ADGRG4: variants seen among roughly 807,000 people sequenced by gnomAD.
ADGRG4 encodes adhesion G protein-coupled receptor G4.
ADGRG4 carries 122 observed loss-of-function variants against 126.2 expected under a neutral mutation model. The ratio of observed to expected loss-of-function variants is 0.97; its 90% confidence interval spans 0.83 to 1.12. ADGRG4 has a LOEUF of 1.12. ADGRG4 is among the 50% of genes most tolerant of loss of function. The probability of loss-of-function intolerance (pLI) is 0.00; values close to 1 mark genes in which losing one functional copy is unlikely to be tolerated. For synonymous variants in ADGRG4, 943 were observed against 838.7 expected, an observed-to-expected ratio of 1.12 and a Z score of -2.15; for missense variants, 2,481 against 2,251.8, an observed-to-expected ratio of 1.10 and a Z score of -2.06.
chrX:136,344,683 T>G lies in ADGRG4; in HGVS notation c.977T>G (p.Leu326Arg). ...DVLSTSSAIS[L>R]PTQSISIDNT... The stretch of plus-strand genomic sequence containing the variant: ...TTATCAACTTCATCAGCCATCTCTC[T>G]GCCTACCCAGAGTATATCCATAGAC... Residue 326 changes from leucine to arginine, a missense_variant, in exon 6 of 26, where the codon CTG (leucine) becomes CGG (arginine). Physicochemically the swap from Leu to Arg is moderately radical, Grantham distance 102 (BLOSUM62 -2). Coordinates refer to ENST00000394143, the MANE Select transcript of ADGRG4 (RefSeq NM_153834.4). 2 of 1,207,931 alleles carry G rather than the reference T, an allele frequency of 1.7e-6. No individual in the cohort carries two copies.
chrX:136,363,448 A>G, intron 12 of ADGRG4, 29 bp from the exon 13 acceptor site: 2 of 973,589 alleles, frequency 2.1e-6, no homozygotes, highest in Non-Finnish European at 2.9e-6. Context: ...TCATCCTCTG[A>G]TGAGAAAGCT....
Position 136,345,840 on chromosome X carries a change from A to G in ADGRG4, c.2134A>G (p.Lys712Glu), listed in dbSNP as rs776350651. 3.1e-5 allele frequency: 37 copies of G among 1,211,179 alleles called. No homozygotes were observed. The highest frequency in any genetic ancestry group is 4.0e-5 in the Non-Finnish European group (36 of 894,924). The change falls in exon 6 of 26, where the codon AAA (lysine) becomes GAA (glutamate). Residue 712 changes from lysine (K) to glutamate (E), a missense_variant. By Grantham distance (56) the Lys-to-Glu change is moderately conservative. Transcript: ENST00000394143. ...ITPLKASPEG[K>E]GTTANDATTA... ...CCCACTGAAAGCATCTCCAGAGGGCAAAGGTACCACTGCCAATGATGCTAC... is the reference window on the plus strand; with the variant it reads ...CCCACTGAAAGCATCTCCAGAGGGCGAAGGTACCACTGCCAATGATGCTAC...
chrX:136,379,998 C>A (rs995082713), intron 15 of ADGRG4, among the ~76,000 whole-genome samples: 2 of 111,568 alleles, frequency 1.8e-5, no homozygotes, highest in East Asian at 5.6e-4. Context: ...ATTTACCACA[C>A]TTTGTTCATC....
At chrX:136,356,912 G>T (rs1202968943) in intron 9 of ADGRG4, among the ~76,000 whole-genome samples, 2 of 111,367 alleles carry the variant, frequency 1.8e-5, no homozygotes, top group African/African-American at 6.5e-5. Flanking sequence ...CTGAGGCGGG[G>T]GGATCACATG....
chrX:136,357,092 A>G (rs745774289), intron 9 of ADGRG4, among the ~76,000 whole-genome samples: 3 of 112,585 alleles, frequency 2.7e-5, no homozygotes, highest in African/African-American at 9.7e-5. Context: ...GCTGAGTCAG[A>G]AATTTTGATA....
At chrX:136,342,023 T>C (rs1474679228) in intron 5 of ADGRG4, among the ~76,000 whole-genome samples, 2 of 112,047 alleles carry the variant, frequency 1.8e-5, no homozygotes, top group East Asian at 5.6e-4. Context: ...GTCTTGAATT[T>C]TACTATGTAC....
At position 136,387,757 on chromosome X, in the gene ADGRG4, C is replaced by T; in HGVS notation, c.7794C>T (p.Val2598=). 1 of 1,207,086 alleles carries T rather than the reference C, an allele frequency of 8.3e-7. No individual in the cohort carries two copies. The highest frequency in any genetic ancestry group is 1.1e-6 in the Non-Finnish European group (1 of 893,382). ...GTDPEIFLGN[V]PVGGILASIY... is the part of the protein sequence containing the mutation. ...CTTGGCAGATTTTCCTAGGCAATGT[C>T]CCTGTGGGAGGGATTTTGGCTTCCA... is the stretch of plus-strand genomic sequence containing the variant. Residue 2598 remains valine, a synonymous_variant, in exon 16 of 26, where the codon GTC becomes GTT. Coordinates refer to ENST00000394143, the MANE Select transcript of ADGRG4 (RefSeq NM_153834.4).
chrX:136,336,991 G>C (rs2074951640), intron 5 of ADGRG4, among the ~76,000 whole-genome samples: 1 of 110,535 alleles, frequency 9.0e-6, no homozygotes, highest in African/African-American at 3.3e-5. Context: ...ATCTTGTTCT[G>C]TCATCCAGAC....
chrX:136,381,478 C>A (rs1360830663), intron 15 of ADGRG4, among the ~76,000 whole-genome samples: 1 of 111,418 alleles, frequency 9.0e-6, no homozygotes, highest in Non-Finnish European at 1.9e-5. Flanking sequence ...TGGTCTCAAA[C>A]TCAGCCTCTC....
chrX:136,305,744 G>T (rs192110939), intron 3 of ADGRG4, among the ~76,000 whole-genome samples: 2 of 112,147 alleles, frequency 1.8e-5, no homozygotes, highest in African/African-American at 6.5e-5. Flanking sequence ...TCTTAGTAAA[G>T]TGAAATGAGC....
chrX:136,341,603 C>T (rs1209423036), intron 5 of ADGRG4, among the ~76,000 whole-genome samples: 1 of 112,170 alleles, frequency 8.9e-6, no homozygotes, highest in Non-Finnish European at 1.9e-5. Flanking sequence ...CTGAAATATA[C>T]CAGTTTCTTG....
intron 5 of ADGRG4, among the ~76,000 whole-genome samples, chrX:136,331,370 G>A (rs944216941): frequency 3.6e-5 from 4 of 112,517 alleles, no homozygotes; most frequent in Admixed American, 9.4e-5. Context: ...CCAGCAATGG[G>A]ATTGCTGGAT....
intron 21 of ADGRG4, among the ~76,000 whole-genome samples, chrX:136,402,830 G>T (rs1330821537): frequency 2.7e-5 from 3 of 111,606 alleles, no homozygotes; most frequent in African/African-American, 9.8e-5. Flanking sequence ...GATTGCCTGT[G>T]CCCTTCTCCT....
In ADGRG4 at chrX:136,345,743, T is replaced by C. The variant is rs1284257918; in HGVS notation, c.2037T>C (p.Asn679=). ...NTTTILTFVP[N]ENFTSAFHEN... ...CCACCATACTCACATTTGTGCCTAATGAAAATTTTACATCAGCATTTCATG... is the reference window on the plus strand; with the variant it reads ...CCACCATACTCACATTTGTGCCTAACGAAAATTTTACATCAGCATTTCATG... The change falls in exon 6 of 26, where the codon AAT becomes AAC. Residue 679 remains asparagine (N), a synonymous_variant. Transcript: ENST00000394143. 6.6e-6 allele frequency: 8 copies of C among 1,211,329 alleles called. No homozygotes were observed. Among genetic ancestry groups the C allele is most frequent in the Non-Finnish European group, 8.9e-6 (8 of 895,183 alleles).
intron 5 of ADGRG4, among the ~76,000 whole-genome samples, chrX:136,333,640 C>T (rs2074928472): frequency 9.0e-6 from 1 of 111,272 alleles, no homozygotes; most frequent in Non-Finnish European, 1.9e-5. Flanking sequence ...GCCTCAGCCT[C>T]CTGAGTAGCT....
chrX:136,332,563 T>A (rs2074919203), intron 5 of ADGRG4, among the ~76,000 whole-genome samples: 1 of 110,481 alleles, frequency 9.1e-6, no homozygotes, highest in African/African-American at 3.3e-5. Context: ...CAGTTCTAGA[T>A]CCCTGAGGAG....
At chrX:136,401,490 A>C (rs1036957670) in intron 21 of ADGRG4, among the ~76,000 whole-genome samples, 9 of 111,750 alleles carry the variant, frequency 8.1e-5, no homozygotes. Context: ...AAGGAGAGGC[A>C]GGAAAGGCTA....
At chrX:136,387,634 C>T in intron 15 of ADGRG4, 106 bp from the exon 16 acceptor site, 1 of 708,245 alleles carries the variant, frequency 1.4e-6, no homozygotes, top group East Asian at 3.2e-5. Flanking sequence ...TCCCACCTTT[C>T]AGTCCTTTGG....
chrX:136,326,130 T>A (rs1429230173), intron 5 of ADGRG4, among the ~76,000 whole-genome samples: 2 of 112,186 alleles, frequency 1.8e-5, no homozygotes, highest in African/African-American at 6.5e-5. Flanking sequence ...CAAAAAAAGG[T>A]AGTAAATGTT....
Sources: gnomAD v4.1 joint callset for allele counts (sites outside exome capture counted in the v4.1 genomes callset) on GRCh38, gnomAD v4.1.1 for gene constraint, MANE v1.5 for transcripts, NCBI Gene and HGNC (gene_info 2026-07-23, HGNC 2026-07-21) for gene names.